The following TAB2 variants were observed in gnomAD, a reference collection of about 807,000 sequenced individuals.
The protein encoded by TAB2 is TGF-beta activated kinase 1 (MAP3K7) binding protein 2.
Under a neutral mutation model 65.0 loss-of-function variants are expected in TAB2, and 3 were observed. The ratio of observed to expected loss-of-function variants is 0.05; its 90% CI spans 0.02 to 0.12. The LOEUF (loss-of-function observed/expected upper bound fraction) is 0.12, where lower values mean the gene tolerates loss of function less well. TAB2 is among the 10% of genes least tolerant of loss of function. The pLI, the probability that TAB2 is intolerant of heterozygous loss-of-function variation, is 1.00. For synonymous variants in TAB2, 298 were observed against 285.1 expected (o/e 1.05, Z -0.46); for missense variants, 623 against 840.3 (o/e 0.74, Z 3.20).
chr6:149,395,621 A>C (rs575741138), intron 3 of TAB2, among the ~76,000 whole-genome samples: 1 of 151,900 alleles, frequency 6.6e-6, no homozygotes, highest in African/African-American at 2.4e-5. Flanking sequence ...ATTCTTTTCC[A>C]ATGTTTTATT....
At chr6:149,373,996 C>CCCT (rs1422350748) in intron 2 of TAB2, among the ~76,000 whole-genome samples, 2 of 152,040 alleles carry the variant, frequency 1.3e-5, no homozygotes, top group Non-Finnish European at 2.9e-5. Context: ...GACATAATGA[C>CCCT]CAAAACTGAT....
intron 1 of TAB2, among the ~76,000 whole-genome samples, chr6:149,269,646 G>C (rs1778324180): frequency 6.6e-6 from 1 of 152,118 alleles, no homozygotes; most frequent in African/African-American, 2.4e-5. Context: ...ATCTGTCCTT[G>C]TAGTTTTACC....
intron 1 of TAB2, among the ~76,000 whole-genome samples, chr6:149,240,107 C>T (rs959878336): frequency 6.6e-6 from 1 of 152,164 alleles, no homozygotes; most frequent in Non-Finnish European, 1.5e-5. Flanking sequence ...CCAAACTGCC[C>T]CGTTGTGCTA....
chr6:149,220,187 T>C (rs772704015), intron 1 of TAB2, among the ~76,000 whole-genome samples: 20 of 152,216 alleles, frequency 1.3e-4, no homozygotes, highest in Non-Finnish European at 2.5e-4. Context: ...GGTTGAAATA[T>C]GTAAAGAAAA....
intron 1 of TAB2, among the ~76,000 whole-genome samples, chr6:149,347,921 A>G (rs1192465030): frequency 6.6e-6 from 1 of 152,166 alleles, no homozygotes; most frequent in Admixed American, 6.5e-5. Flanking sequence ...TAATTTTGAA[A>G]TGTTCATTGA....
chr6:149,228,741 C>G (rs892152899), intron 1 of TAB2, among the ~76,000 whole-genome samples: 1 of 152,178 alleles, frequency 6.6e-6, no homozygotes, highest in Non-Finnish European at 1.5e-5. Flanking sequence ...CTAAATCAAC[C>G]CTTTAAATGT....
At chr6:149,395,759 T>G (rs181840320) in intron 3 of TAB2, among the ~76,000 whole-genome samples, 1 of 152,304 alleles carries the variant, frequency 6.6e-6, no homozygotes, top group African/African-American at 2.4e-5. Flanking sequence ...TTAATTTCCT[T>G]CTTATCAGAA....
At chr6:149,318,376 T>A (rs1423423246) in intron 1 of TAB2, among the ~76,000 whole-genome samples, 1 of 151,644 alleles carries the variant, frequency 6.6e-6, no homozygotes, top group Non-Finnish European at 1.5e-5. Context: ...TCGGCGCCCC[T>A]GACCCGCCCC....
intron 6 of TAB2, among the ~76,000 whole-genome samples, chr6:149,403,299 T>TATATAA (rs1782533672): frequency 4.7e-5 from 3 of 63,356 alleles, no homozygotes; most frequent in Admixed American, 1.5e-4. Context: ...CACACACATA[T>TATATAA]ATATATATAT....
intron 1 of TAB2, among the ~76,000 whole-genome samples, chr6:149,354,416 C>T (rs985037867): frequency 2.0e-5 from 3 of 152,176 alleles, no homozygotes; most frequent in Non-Finnish European, 4.4e-5. Context: ...GACTACATAA[C>T]ACTTTGAAGC....
intron 1 of TAB2, among the ~76,000 whole-genome samples, chr6:149,346,935 T>C (rs1186507224): frequency 6.6e-6 from 1 of 152,238 alleles, no homozygotes; most frequent in Non-Finnish European, 1.5e-5. Context: ...TCTTTCCCTT[T>C]TACCCATAAA....
intron 1 of TAB2, among the ~76,000 whole-genome samples, chr6:149,275,129 T>TC: frequency 1.7e-5 from 2 of 118,238 alleles, no homozygotes; most frequent in Admixed American, 8.0e-5. Flanking sequence ...TCTTCTGTTT[T>TC]TTTTTTTTTT....
In TAB2 at chr6:149,397,725, G is replaced by T. The variant is rs974097689; in HGVS notation, c.1725G>T (p.Arg575Ser). The change falls in exon 4 of 7, where the codon AGG becomes AGT. Residue 575 changes from arginine (R) to serine (S), a missense_variant. Transcript: ENST00000637181. ...VNEMENNLTR[R>S]RLKRSNSISQ... Reference sequence around the variant, plus strand: ...AAATGGAAAATAATCTAACTCGAAGGCGCCTGAAAAGATCAAATTCTATAT... The same window carrying T: ...AAATGGAAAATAATCTAACTCGAAGTCGCCTGAAAAGATCAAATTCTATAT... 34 of 1,613,762 alleles carry T rather than the reference G, an allele frequency of 2.1e-5. No individual in the cohort carries two copies. Among genetic ancestry groups the T allele is most frequent in the Non-Finnish European group, 2.6e-5 (31 of 1,180,004 alleles).
At chr6:149,265,345 C>G (rs549459000) in intron 1 of TAB2, among the ~76,000 whole-genome samples, 2 of 152,250 alleles carry the variant, frequency 1.3e-5, no homozygotes, top group East Asian at 1.9e-4. Flanking sequence ...ATTTCCATAA[C>G]GTAAGTCTAC....
In TAB2 at chr6:149,266,027, C is replaced by T. The variant is rs79305316; in HGVS notation, c.-121+47251C>T. Among the ~76,000 whole-genome samples, 89 of 152,296 alleles carry T rather than the reference C, an allele frequency of 5.8e-4. 1 individual carries two copies. Among genetic ancestry groups the T allele is most frequent in the African/African-American group, 2.1e-3 (88 of 41,560 alleles). On this transcript the variant is annotated intron_variant, in intron 1 of 1. Transcript: ENST00000606202. Reference sequence around the variant, plus strand: ...CCTGGGTGTTAGCAAATGTTACCACCCTCAGAATTGGAAATAATGTTATGC... The same window carrying T: ...CCTGGGTGTTAGCAAATGTTACCACTCTCAGAATTGGAAATAATGTTATGC...
chr6:149,251,862 A>T (rs1777869801), intron 1 of TAB2, among the ~76,000 whole-genome samples: 1 of 152,242 alleles, frequency 6.6e-6, no homozygotes, highest in Non-Finnish European at 1.5e-5. Context: ...TACCTTACTA[A>T]TTCTAATTTT....
chr6:149,400,951 T>G (rs2114953319), intron 6 of TAB2: 1 of 414,404 alleles, frequency 2.4e-6, no homozygotes, highest in South Asian at 5.3e-5. Flanking sequence ...AAAATACTGA[T>G]TCTGTGAAAA....
intron 1 of TAB2, among the ~76,000 whole-genome samples, chr6:149,268,494 A>G (rs2114673648): frequency 6.6e-6 from 1 of 152,288 alleles, no homozygotes; most frequent in Non-Finnish European, 1.5e-5. Flanking sequence ...CAAGACAGAG[A>G]CTCAAAGAAC....
chr6:149,353,144 A>G (rs1001057352), intron 1 of TAB2, among the ~76,000 whole-genome samples: 1 of 152,110 alleles, frequency 6.6e-6, no homozygotes, highest in African/African-American at 2.4e-5. Flanking sequence ...ATGCATGTGT[A>G]GGCCCTACAT....
Sources: gnomAD v4.1 joint callset for allele counts (sites outside exome capture counted in the v4.1 genomes callset) on GRCh38, gnomAD v4.1.1 for gene constraint, MANE v1.5 for transcripts, NCBI Gene and HGNC (gene_info 2026-07-23, HGNC 2026-07-21) for gene names.